MYO18B: variants seen among roughly 807,000 people sequenced by gnomAD.
MYO18B encodes the protein unconventional myosin-XVIIIb.
MYO18B carries 204 observed loss-of-function variants against 273.0 expected under a neutral mutation model. The observed-to-expected ratio is 0.75, with a 90% CI of 0.67 to 0.84. The LOEUF (loss-of-function observed/expected upper bound fraction) is 0.84, where lower values mean the gene tolerates loss of function less well. MYO18B is among the 40% of genes least tolerant of loss of function. MYO18B has a pLI of 0.00. For missense variants in MYO18B, 3,212 were observed against 3,287.6 expected (o/e 0.98, Z 0.56); for synonymous variants, 1,330 against 1,305.7 (o/e 1.02, Z -0.40).
chr22:25,776,215 A>G (rs2086908348), intron 7 of MYO18B, among the ~76,000 whole-genome samples: 1 of 152,210 alleles, frequency 6.6e-6, no homozygotes. Context: ...TTATTTATCT[A>G]CAGTTTGTTC....
At chr22:25,978,300 G>C in intron 39 of MYO18B, among the ~76,000 whole-genome samples, 1 of 152,166 alleles carries the variant, frequency 6.6e-6, no homozygotes, top group East Asian at 1.9e-4. Flanking sequence ...TGGATGAGTA[G>C]AAGTTCACTT....
chr22:25,966,336 C>T (rs2092977880), intron 39 of MYO18B, among the ~76,000 whole-genome samples: 1 of 152,210 alleles, frequency 6.6e-6, no homozygotes, highest in African/African-American at 2.4e-5. Context: ...CATCTACTTA[C>T]TCCATGGCAT....
At chr22:25,779,838 G>C (rs2145650992) in intron 8 of MYO18B, among the ~76,000 whole-genome samples, 1 of 152,328 alleles carries the variant, frequency 6.6e-6, no homozygotes, top group Non-Finnish European at 1.5e-5. Flanking sequence ...TGGTAGTACA[G>C]GTTCAGCCCA....
the MYO18B span, among the ~76,000 whole-genome samples, chr22:26,036,790 A>G: frequency 2.0e-5 from 3 of 152,356 alleles, no homozygotes; most frequent in African/African-American, 7.2e-5. Context: ...TGGAGGATGC[A>G]GTCCCTTAAA....
At chr22:25,930,700 C>T (rs2092486770) in intron 34 of MYO18B, among the ~76,000 whole-genome samples, 1 of 152,012 alleles carries the variant, frequency 6.6e-6, no homozygotes, top group African/African-American at 2.4e-5. Context: ...TCTTGAACTC[C>T]TGGGCTCAAG....
At chr22:25,948,110 T>C (rs1186362969) in intron 36 of MYO18B, among the ~76,000 whole-genome samples, 1 of 152,116 alleles carries the variant, frequency 6.6e-6, no homozygotes, top group African/African-American at 2.4e-5. Flanking sequence ...ATTCATCTGC[T>C]CATCAATTCA....
At chr22:26,015,954 A>G (rs746426217) in intron 42 of MYO18B, among the ~76,000 whole-genome samples, 5 of 152,344 alleles carry the variant, frequency 3.3e-5, no homozygotes, top group Admixed American at 6.5e-5. Flanking sequence ...ATCTGTCTTC[A>G]TGACACTCAA....
chr22:25,903,863 G>C (rs949612731), intron 31 of MYO18B, 32 bp downstream of exon 31: 11 of 1,567,346 alleles, frequency 7.0e-6, no homozygotes, highest in Non-Finnish European at 9.5e-6. Context: ...GCAACACCCT[G>C]TCCCATGTCT....
intron 42 of MYO18B, among the ~76,000 whole-genome samples, chr22:26,014,394 T>C (rs939050567): frequency 6.6e-6 from 1 of 152,226 alleles, no homozygotes; most frequent in African/African-American, 2.4e-5. Context: ...ATTGGAAGTA[T>C]AAGTTCTCCA....
intron 39 of MYO18B, among the ~76,000 whole-genome samples, chr22:25,965,439 C>T (rs1253680341): frequency 2.0e-5 from 3 of 152,138 alleles, no homozygotes; most frequent in African/African-American, 7.2e-5. Flanking sequence ...GAAAAAAGAT[C>T]GGGGCGGTGA....
the MYO18B span, among the ~76,000 whole-genome samples, chr22:26,056,441 A>C: frequency 6.6e-6 from 1 of 152,002 alleles, no homozygotes; most frequent in East Asian, 1.9e-4. Flanking sequence ...AGGTATCCTC[A>C]CTCCTGGTCC....
intron 4 of MYO18B, 80 bp downstream of exon 4, chr22:25,769,508 A>G (rs2086638387): frequency 8.8e-7 from 1 of 1,138,016 alleles, no homozygotes; most frequent in Non-Finnish European, 1.2e-6. Flanking sequence ...GATCTGCCCC[A>G]GGGATGGACA....
chr22:25,919,208 C>A (rs2092305303), intron 33 of MYO18B, among the ~76,000 whole-genome samples: 1 of 152,178 alleles, frequency 6.6e-6, no homozygotes, highest in African/African-American at 2.4e-5. Flanking sequence ...CCAATTCCAT[C>A]CCAGCCTGAG....
At chr22:25,855,566 C>T (rs2090546985) in intron 21 of MYO18B, among the ~76,000 whole-genome samples, 1 of 152,184 alleles carries the variant, frequency 6.6e-6, no homozygotes, top group Admixed American at 6.5e-5. Context: ...AGGTGTGAGC[C>T]ACTGCGCCCG....
intron 39 of MYO18B, among the ~76,000 whole-genome samples, chr22:25,976,770 A>G (rs2093094097): frequency 6.6e-6 from 1 of 152,066 alleles, no homozygotes; most frequent in African/African-American, 2.4e-5. Flanking sequence ...ATATCTAATA[A>G]TACAAGACTA....
At chr22:26,038,021 G>A in the MYO18B span, among the ~76,000 whole-genome samples, 4 of 152,166 alleles carry the variant, frequency 2.6e-5, no homozygotes. Flanking sequence ...ACATTACACT[G>A]GCCCCATCAT....
Position 25,769,398 on chromosome 22 carries a change from CA to C in MYO18B, c.1485del (p.Gly496GlufsTer35). 6.4e-7 allele frequency: 1 copy of C among 1,562,196 alleles called. No individual in the cohort carries two copies. Among genetic ancestry groups the C allele is most frequent in the Non-Finnish European group, 8.7e-7 (1 of 1,154,258 alleles). Reference protein sequence around the residue: ...QDGPAPQEEGKGGQSRDSDQA... With the variant: ...QDGPAPQEEGXGGQSRDSDQA... ...ACGGGCCAGCCCCGCAGGAGGAGGG[CA>C]AAGGAGGCCAGAGCAGAGACTCAGA... On this transcript the variant is annotated frameshift_variant, in exon 4 of 44. Transcript: ENST00000335473. LOFTEE classifies it high-confidence loss of function.
intron 35 of MYO18B, among the ~76,000 whole-genome samples, chr22:25,947,477 T>G (rs2877304): frequency 6.7e-6 from 1 of 148,400 alleles, no homozygotes; most frequent in Admixed American, 6.7e-5. Context: ...TAGTCACATG[T>G]AATGCCTAAT....
chr22:25,933,672 T>TGGTTTATTG (rs142629820), intron 34 of MYO18B, among the ~76,000 whole-genome samples: 2,519 of 152,320 alleles, frequency 0.017, 79 homozygotes, highest in African/African-American at 0.057. Flanking sequence ...ACCTAATAAT[T>TGGTTTATTG]GGTTTATTGT....
Sources: gnomAD v4.1 joint callset for allele counts (sites outside exome capture counted in the v4.1 genomes callset) on GRCh38, gnomAD v4.1.1 for gene constraint, MANE v1.5 for transcripts, NCBI Gene and HGNC (gene_info 2026-07-23, HGNC 2026-07-21) for gene names.